KSR2: variants seen among roughly 807,000 people sequenced by gnomAD.
KSR2 encodes the protein kinase suppressor of ras 2.
In KSR2, 25 loss-of-function variants were observed where a neutral mutation model predicts 107.8. That is an observed-to-expected ratio of 0.23 (90% confidence interval 0.17 to 0.32). The LOEUF is 0.32. Ranked by LOEUF, KSR2 falls within the 10% of genes least tolerant of loss-of-function variation. The pLI, the probability that KSR2 is intolerant of heterozygous loss-of-function variation, is 1.00. For synonymous variants in KSR2, 480 were observed against 507.0 expected (o/e 0.95, Z 0.71); for missense variants, 887 against 1,268.9 (o/e 0.70, Z 4.57).
rs995390195 is a variant in KSR2 at position 117,457,721 on chromosome 12, A to T, written c.*9478T>A. 3 of 152,212 alleles carry T rather than the reference A, an allele frequency of 2.0e-5. No individual in the cohort carries two copies. The highest frequency in any genetic ancestry group is 4.8e-5 in the African/African-American group (2 of 41,440). The allele number at this position is 152,212 out of a possible 1,614,324, so 9.4% of individuals were successfully genotyped here. A position where few individuals can be genotyped will look rare whatever the true frequency, so the allele number is the denominator to read the frequency against. On this transcript the variant is annotated 3_prime_UTR_variant, in exon 20 of 20. Coordinates refer to ENST00000339824, the MANE Select transcript of KSR2 (RefSeq NM_173598.6). Reference sequence around the variant, plus strand: ...GTCACCAGTACCAGGTGCTACTGGTATCTTGTGGGGAGAGTTGAGGAAGCT... The same window carrying T: ...GTCACCAGTACCAGGTGCTACTGGTTTCTTGTGGGGAGAGTTGAGGAAGCT...
At chr12:117,954,845 A>G (rs922700088) in intron 1 of KSR2, among the ~76,000 whole-genome samples, 6 of 152,082 alleles carry the variant, frequency 3.9e-5, no homozygotes, top group South Asian at 2.1e-4. Flanking sequence ...GTGAAACCCC[A>G]TCTCTACTAA....
At chr12:117,670,784 C>A (rs1342916554) in intron 4 of KSR2, among the ~76,000 whole-genome samples, 1 of 152,118 alleles carries the variant, frequency 6.6e-6, no homozygotes, top group Non-Finnish European at 1.5e-5. Flanking sequence ...GGGCAGGGAC[C>A]CAGGAGAGTC....
intron 1 of KSR2, among the ~76,000 whole-genome samples, chr12:117,913,792 C>T (rs1895094408): frequency 6.6e-6 from 1 of 152,152 alleles, no homozygotes; most frequent in South Asian, 2.1e-4. Flanking sequence ...TATGAAGCCA[C>T]CCAGTTTAGT....
chr12:117,648,532 A>G (rs1293492363), intron 5 of KSR2, among the ~76,000 whole-genome samples: 1 of 152,268 alleles, frequency 6.6e-6, no homozygotes, highest in African/African-American at 2.4e-5. Flanking sequence ...TATGGCAGTC[A>G]ACAGAAAAGA....
At position 117,454,201 on chromosome 12, in the gene KSR2, T is replaced by C. The variant is rs1870482859; in HGVS notation, c.*12998A>G. Reference sequence around the variant, plus strand: ...AACGTTATTGACATTCATTATTTCATTCACTCCCTCCAATAAACTCAAGGG... The same window carrying C: ...AACGTTATTGACATTCATTATTTCACTCACTCCCTCCAATAAACTCAAGGG... On this transcript the variant is annotated 3_prime_UTR_variant, in exon 20 of 20. Transcript: ENST00000339824. 1 of 152,196 alleles carries C rather than the reference T, an allele frequency of 6.6e-6. No individual in the cohort carries two copies. The highest frequency in any genetic ancestry group is 1.5e-5 in the Non-Finnish European group (1 of 68,024). 9.4% of individuals were successfully genotyped at this position (152,196 alleles called of 1,614,324 possible). A position where few individuals can be genotyped will look rare whatever the true frequency, so the allele number is the denominator to read the frequency against.
At chr12:117,664,220 G>T (rs1484343909) in intron 5 of KSR2, among the ~76,000 whole-genome samples, 1 of 149,924 alleles carries the variant, frequency 6.7e-6, no homozygotes, top group Non-Finnish European at 1.5e-5. Context: ...CCTTCTCGCA[G>T]CCCACTCAAG....
intron 17 of KSR2, among the ~76,000 whole-genome samples, chr12:117,472,706 AG>A (rs1391070190): frequency 1.3e-5 from 2 of 152,188 alleles, no homozygotes; most frequent in African/African-American, 4.8e-5. Context: ...TCGGATGTCA[AG>A]TTAGATGATC....
chr12:117,479,962 C>T (rs1044269160), intron 16 of KSR2, among the ~76,000 whole-genome samples: 1 of 151,792 alleles, frequency 6.6e-6, no homozygotes, highest in Admixed American at 6.6e-5. Context: ...TGAGACAGTG[C>T]GTGGCACAGG....
intron 4 of KSR2, among the ~76,000 whole-genome samples, chr12:117,740,316 C>T (rs1296295964): frequency 1.5e-5 from 2 of 130,642 alleles, no homozygotes; most frequent in Admixed American, 9.0e-5. Context: ...TATATATATA[C>T]ACATATATAC....
intron 1 of KSR2, among the ~76,000 whole-genome samples, chr12:117,868,470 G>A (rs540205174): frequency 2.0e-4 from 31 of 151,674 alleles, no homozygotes; most frequent in Middle Eastern, 3.4e-3. Context: ...TAAAAGTACC[G>A]TTACTGAGCA....
intron 4 of KSR2, among the ~76,000 whole-genome samples, chr12:117,746,768 G>A (rs1337728552): frequency 6.6e-6 from 1 of 151,616 alleles, no homozygotes; most frequent in East Asian, 1.9e-4. Context: ...AGTAGGCAAA[G>A]GATATGAACA....
chr12:117,755,981 C>T (rs527731491), intron 4 of KSR2, among the ~76,000 whole-genome samples: 2 of 152,256 alleles, frequency 1.3e-5, no homozygotes, highest in South Asian at 2.1e-4. Context: ...CAGAGCAGGG[C>T]CCTAACTCTC....
At chr12:117,886,359 C>T (rs4767633) in intron 1 of KSR2, among the ~76,000 whole-genome samples, 22,794 of 151,616 alleles carry the variant, frequency 0.15, 2,269 homozygotes, top group East Asian at 0.47. Context: ...GTCATGCACC[C>T]CATAATGATG....
At chr12:117,527,178 G>T in intron 12 of KSR2, 59 bp from the exon 13 acceptor site, 1 of 1,256,966 alleles carries the variant, frequency 8.0e-7, no homozygotes, top group Non-Finnish European at 1.2e-6. Context: ...TATATATTGA[G>T]TTTAGCTATG....
intron 10 of KSR2, among the ~76,000 whole-genome samples, chr12:117,533,861 C>T (rs191439409): frequency 1.4e-4 from 22 of 152,318 alleles, no homozygotes; most frequent in African/African-American, 1.7e-4. Flanking sequence ...CCGAAGCCAA[C>T]GCCCTCCTTG....
rs1206540007 is a variant in KSR2, at chr12:117,612,305, G to A, written c.1172-29946C>T. On this transcript the variant is annotated intron_variant, in intron 5 of 19. Coordinates refer to ENST00000339824, the MANE Select transcript of KSR2 (RefSeq NM_173598.6). ...TGTAGTCCCAGCTACTCGGGAGGCTGAGGCAGGGGAATTGCTTGAACCCAG... is the reference window on the plus strand; with the variant it reads ...TGTAGTCCCAGCTACTCGGGAGGCTAAGGCAGGGGAATTGCTTGAACCCAG... Among the ~76,000 whole-genome samples the A allele has an allele frequency of 3.9e-4, 59 of 151,858 alleles. 1 individual carries two copies. Among genetic ancestry groups the A allele is most frequent in the Admixed American group, 3.9e-3 (59 of 15,238 alleles).
intron 4 of KSR2, among the ~76,000 whole-genome samples, chr12:117,690,766 C>A (rs1885779247): frequency 1.3e-5 from 2 of 152,096 alleles, no homozygotes; most frequent in Admixed American, 1.3e-4. Context: ...ACCTTAAAAA[C>A]AACAACAACA....
intron 1 of KSR2, among the ~76,000 whole-genome samples, chr12:117,905,621 C>T (rs1237956326): frequency 6.6e-6 from 1 of 152,130 alleles, no homozygotes; most frequent in Non-Finnish European, 1.5e-5. Context: ...GGATGCAGAA[C>T]TAAGAACGGC....
At chr12:117,585,975 T>A (rs187446702) in intron 5 of KSR2, among the ~76,000 whole-genome samples, 5 of 152,242 alleles carry the variant, frequency 3.3e-5, no homozygotes, top group Admixed American at 2.6e-4. Context: ...TTGCTGTTGA[T>A]GTCTTCTGAG....
Sources: gnomAD v4.1 joint callset for allele counts (sites outside exome capture counted in the v4.1 genomes callset) on GRCh38, gnomAD v4.1.1 for gene constraint, MANE v1.5 for transcripts, NCBI Gene and HGNC (gene_info 2026-07-23, HGNC 2026-07-21) for gene names.